Variants in ASXL3 observed in about 807,000 individuals in gnomAD.
ASXL3 encodes the protein putative Polycomb group protein ASXL3.
Under a neutral mutation model 170.6 loss-of-function variants are expected in ASXL3, and 34 were observed. That is an observed-to-expected ratio of 0.20 (90% CI 0.15 to 0.27). The LOEUF (loss-of-function observed/expected upper bound fraction) is 0.27, where lower values mean the gene tolerates loss of function less well. Among genes scored for constraint, ASXL3 ranks in the 10% least tolerant of loss-of-function variants. The pLI is 1.00. For missense variants in ASXL3, 2,592 were observed against 2,695.3 expected (o/e 0.96, Z 0.85); for synonymous variants, 1,002 against 989.1 (o/e 1.01, Z -0.24).
chr18:33,746,244 G>T lies in ASXL3; in HGVS notation c.6396G>T (p.Lys2132Asn), dbSNP rs552500879. Residue 2132 changes from lysine to asparagine, a missense_variant, in exon 12 of 12, where the codon AAG (lysine) becomes AAT (asparagine). This residue lies in a region of ASXL3 where 2,246 missense variants were observed against 2,219.6 expected (regional missense o/e 1.01). Transcript: ENST00000269197. ...FSSYLLSEPQKPFTQLAAQKM... is the reference protein window; with the variant it reads ...FSSYLLSEPQNPFTQLAAQKM... ...CCTATTTGCTTTCTGAGCCACAAAA[G>T]CCTTTTACCCAATTAGCTGCTCAGA... 6.2e-7 allele frequency: 1 copy of T among 1,613,920 alleles called. No individual in the cohort carries two copies. Among genetic ancestry groups the T allele is most frequent in the Non-Finnish European group, 8.5e-7 (1 of 1,179,892 alleles).
rs1599564057 is a variant in ASXL3 at position 33,739,271 on chromosome 18, A to T, written c.1867A>T (p.Thr623Ser). 3.1e-6 allele frequency: 5 copies of T among 1,613,750 alleles called. No individual in the cohort carries two copies. The East Asian group carries it at 8.9e-5, about 29-fold the overall frequency. ...FSSESPEGAC[T>S]SLPSPGGETQ... is the part of the protein sequence containing the mutation. Reference sequence around the variant, plus strand: ...TTCTGAGAGCCCAGAGGGAGCCTGTACCAGCCTGCCTTCTCCAGGAGGGGA... The same window carrying T: ...TTCTGAGAGCCCAGAGGGAGCCTGTTCCAGCCTGCCTTCTCCAGGAGGGGA... Residue 623 changes from threonine to serine, a missense_variant, in exon 11 of 12, where the codon ACC (threonine) becomes TCC (serine). Thr to Ser is a moderately conservative substitution (Grantham distance 58, BLOSUM62 1). Transcript: ENST00000269197.
At chr18:33,683,279 G>A (rs2066542789) in intron 7 of ASXL3, 126 bp from the exon 8 acceptor site, 1 of 761,166 alleles carries the variant, frequency 1.3e-6, no homozygotes, top group Admixed American at 3.6e-5. Flanking sequence ...TTTGTAAAAG[G>A]GGTAGAAGTA....
intron 2 of ASXL3, among the ~76,000 whole-genome samples, chr18:33,617,896 G>A (rs1177467435): frequency 1.3e-5 from 2 of 152,108 alleles, no homozygotes; most frequent in African/African-American, 2.4e-5. Flanking sequence ...GGAGGAATAG[G>A]CATTTAACTG....
At chr18:33,697,820 A>G (rs1041789025) in intron 8 of ASXL3, among the ~76,000 whole-genome samples, 2 of 145,962 alleles carry the variant, frequency 1.4e-5, no homozygotes, top group Non-Finnish European at 3.0e-5. Flanking sequence ...CCTGGGCAAC[A>G]TAATGAGACT....
intron 8 of ASXL3, among the ~76,000 whole-genome samples, chr18:33,710,186 A>G (rs2067031914): frequency 6.6e-6 from 1 of 152,062 alleles, no homozygotes; most frequent in Non-Finnish European, 1.5e-5. Context: ...AACCCAGGAG[A>G]TGGAGGTTGC....
intron 2 of ASXL3, among the ~76,000 whole-genome samples, chr18:33,620,829 A>G (rs1267258783): frequency 6.6e-6 from 1 of 152,078 alleles, no homozygotes; most frequent in African/African-American, 2.4e-5. Flanking sequence ...CCAACCACCT[A>G]ATTTCCCCAA....
At chr18:33,659,798 A>T (rs1289436378) in intron 4 of ASXL3, among the ~76,000 whole-genome samples, 2 of 152,138 alleles carry the variant, frequency 1.3e-5, no homozygotes, top group African/African-American at 4.8e-5. Context: ...AAGCAAAAAA[A>T]TCATATTAAG....
chr18:33,692,492 C>T (rs1374064614), intron 8 of ASXL3, among the ~76,000 whole-genome samples: 1 of 152,164 alleles, frequency 6.6e-6, no homozygotes, highest in African/African-American at 2.4e-5. Context: ...CCAGCTCCTT[C>T]TCATCCACCA....
chr18:33,688,333 C>G (rs940561145), intron 8 of ASXL3, among the ~76,000 whole-genome samples: 5 of 152,102 alleles, frequency 3.3e-5, no homozygotes, highest in Non-Finnish European at 2.9e-5. Context: ...GTAGATGCTT[C>G]GTAGGCAATT....
At chr18:33,727,311 A>C (rs889344262) in intron 8 of ASXL3, among the ~76,000 whole-genome samples, 1 of 152,168 alleles carries the variant, frequency 6.6e-6, no homozygotes, top group African/African-American at 2.4e-5. Flanking sequence ...ATAGAGGTTT[A>C]AAGGATTATT....
At position 33,749,535 on chromosome 18, in the gene ASXL3, T is replaced by C. The variant is rs922185315; in HGVS notation, c.*2940T>C. 1 of 152,092 alleles carries C rather than the reference T, an allele frequency of 6.6e-6. No homozygotes were observed. The highest frequency in any genetic ancestry group is 1.5e-5 in the Non-Finnish European group (1 of 68,034). The allele number at this position is 152,092 out of a possible 1,614,324, so 9.4% of individuals were successfully genotyped here. A position where few individuals can be genotyped will look rare whatever the true frequency, so the allele number is the denominator to read the frequency against. On this transcript the variant is annotated 3_prime_UTR_variant, in exon 12 of 12. Transcript: ENST00000269197. ...CTGCTATTCCCTAATCCTCCTCCTA[T>C]AAGATATGCATATGCCTGAGGTGTA...
At chr18:33,653,185 C>G (rs1281463587) in intron 4 of ASXL3, among the ~76,000 whole-genome samples, 1 of 151,964 alleles carries the variant, frequency 6.6e-6, no homozygotes, top group Admixed American at 6.6e-5. Flanking sequence ...ATTGGATGTT[C>G]TGTGTCTGCA....
chr18:33,598,134 G>A (rs551858339), intron 1 of ASXL3, among the ~76,000 whole-genome samples: 2 of 151,998 alleles, frequency 1.3e-5, no homozygotes, highest in African/African-American at 2.4e-5. Flanking sequence ...TCATAATATT[G>A]TATTAATCCT....
chr18:33,647,320 G>A (rs927112499), intron 4 of ASXL3, among the ~76,000 whole-genome samples: 2 of 152,034 alleles, frequency 1.3e-5, no homozygotes, highest in Non-Finnish European at 2.9e-5. Context: ...GTTCCTCTCT[G>A]ATCTGTAGCA....
At position 33,646,255 on chromosome 18, in the gene ASXL3, C is replaced by A. The variant is rs1436483451; in HGVS notation, c.257C>A (p.Ser86Ter). The change falls in exon 4 of 12, where the codon TCG becomes TAG. Residue 86 changes from serine to a stop codon, truncating the protein, a stop_gained. Coordinates refer to ENST00000269197, the MANE Select transcript of ASXL3 (RefSeq NM_030632.3). LOFTEE classifies it high-confidence loss of function. ...SGLYALKKEESSCPADGTLDL... is the reference protein window; with the variant it reads ...SGLYALKKEE ...TTCAAAATAATACAGAAAGAGGAGTCGTCATGCCCAGCAGATGGCACGTTG... is the reference window on the plus strand; with the variant it reads ...TTCAAAATAATACAGAAAGAGGAGTAGTCATGCCCAGCAGATGGCACGTTG... 5.6e-6 allele frequency: 9 copies of A among 1,610,332 alleles called. No individual in the cohort carries two copies. Among genetic ancestry groups the A allele is most frequent in the Non-Finnish European group, 7.6e-6 (9 of 1,177,596 alleles).
chr18:33,719,937 G>A (rs1192590866), intron 8 of ASXL3, among the ~76,000 whole-genome samples: 2 of 151,988 alleles, frequency 1.3e-5, no homozygotes, highest in Non-Finnish European at 2.9e-5. Flanking sequence ...ACAGACTAAG[G>A]CACCCATCTT....
chr18:33,713,248 GTTTTTTTTTT>G (rs1226619353), intron 8 of ASXL3, among the ~76,000 whole-genome samples: 5 of 65,086 alleles, frequency 7.7e-5, no homozygotes, highest in Non-Finnish European at 8.6e-5. Context: ...GTTTTGTTTT[GTTTTTTTTTT>G]TTTTTTTTTT....
chr18:33,618,125 G>T (rs1250566034), intron 2 of ASXL3, among the ~76,000 whole-genome samples: 1 of 152,040 alleles, frequency 6.6e-6, no homozygotes, highest in East Asian at 1.9e-4. Flanking sequence ...TTATATTTTT[G>T]TTGAGCCAGT....
At chr18:33,638,976 A>T (rs2065809250) in intron 2 of ASXL3, among the ~76,000 whole-genome samples, 1 of 152,138 alleles carries the variant, frequency 6.6e-6, no homozygotes, top group African/African-American at 2.4e-5. Flanking sequence ...CTTATTTTTG[A>T]TACTGAGATG....
Sources: allele counts gnomAD v4.1 joint callset (sites outside exome capture counted in the v4.1 genomes callset), GRCh38; gene constraint gnomAD v4.1.1; regional missense constraint gnomAD v4.1.1; transcripts MANE v1.5; gene names NCBI Gene and HGNC (gene_info 2026-07-23, HGNC 2026-07-21).